Variants in PALLD observed in about 807,000 individuals in gnomAD.
PALLD encodes palladin.
PALLD carries 61 observed loss-of-function variants against 123.5 expected under a neutral mutation model. The ratio of observed to expected loss-of-function variants is 0.49; its 90% CI spans 0.40 to 0.61. The LOEUF is 0.61. Ranked by LOEUF, PALLD falls within the 20% of genes least tolerant of loss-of-function variation. The pLI, the probability that PALLD is intolerant of heterozygous loss-of-function variation, is 0.00. For synonymous variants in PALLD, 465 were observed against 496.4 expected, an observed-to-expected ratio of 0.94 and a Z score of 0.84; for missense variants, 1,273 against 1,377.0, an observed-to-expected ratio of 0.92 and a Z score of 1.20.
At chr4:168,727,388 G>C (rs1026153854) in intron 10 of PALLD, among the ~76,000 whole-genome samples, 8 of 152,088 alleles carry the variant, frequency 5.3e-5, no homozygotes, top group South Asian at 2.1e-4. Flanking sequence ...ACCAGCATCT[G>C]TTGTTTTTTG....
At chr4:168,821,872 G>A (rs542909840) in intron 10 of PALLD, among the ~76,000 whole-genome samples, 3 of 131,794 alleles carry the variant, frequency 2.3e-5, no homozygotes, top group African/African-American at 5.8e-5. Context: ...AGAGCAAAAC[G>A]CTGTCTCAAA....
chr4:168,701,938 G>A (rs192848857), intron 8 of PALLD, among the ~76,000 whole-genome samples: 12 of 152,318 alleles, frequency 7.9e-5, no homozygotes, highest in Admixed American at 4.6e-4. Flanking sequence ...TCCAAACCTC[G>A]TAAGAAGGGG....
intron 2 of PALLD, among the ~76,000 whole-genome samples, chr4:168,660,015 A>G (rs1344594863): frequency 6.6e-6 from 1 of 152,164 alleles, no homozygotes; most frequent in East Asian, 1.9e-4. Flanking sequence ...GGTTCCTTTC[A>G]TTAATCATGA....
intron 2 of PALLD, among the ~76,000 whole-genome samples, chr4:168,592,034 T>TTTTTTTA (rs1771487235): frequency 1.3e-5 from 2 of 150,548 alleles, no homozygotes; most frequent in Admixed American, 6.6e-5. Flanking sequence ...TTTTTTTTTT[T>TTTTTTTA]GAGATGGAGT....
chr4:168,513,277 G>A (rs570021980), intron 2 of PALLD, among the ~76,000 whole-genome samples: 39 of 152,228 alleles, frequency 2.6e-4, no homozygotes, highest in Non-Finnish European at 5.0e-4. Flanking sequence ...AGGTCTGCCC[G>A]TTATTCCTAC....
chr4:168,607,327 A>G (rs1035263036), intron 2 of PALLD, among the ~76,000 whole-genome samples: 2 of 152,196 alleles, frequency 1.3e-5, no homozygotes, highest in Admixed American at 6.5e-5. Flanking sequence ...TTATTAAAAA[A>G]CAAACAATGA....
At chr4:168,732,683 C>T (rs780077683) in intron 10 of PALLD, among the ~76,000 whole-genome samples, 3 of 152,090 alleles carry the variant, frequency 2.0e-5, no homozygotes, top group East Asian at 1.9e-4. Context: ...TTTCTAATCT[C>T]GACGTAATTC....
chr4:168,718,318 C>G (rs1209032639), intron 10 of PALLD, among the ~76,000 whole-genome samples: 1 of 152,094 alleles, frequency 6.6e-6, no homozygotes, highest in Non-Finnish European at 1.5e-5. Context: ...ACAAAAAGGA[C>G]AAAGACAAGG....
intron 2 of PALLD, among the ~76,000 whole-genome samples, chr4:168,655,593 C>G (rs1394024941): frequency 6.6e-6 from 1 of 152,176 alleles, no homozygotes; most frequent in Non-Finnish European, 1.5e-5. Context: ...ATTTGGAGAA[C>G]AGATGAAAAA....
intron 2 of PALLD, among the ~76,000 whole-genome samples, chr4:168,572,270 T>TA (rs1769074620): frequency 6.6e-6 from 1 of 152,074 alleles, no homozygotes; most frequent in East Asian, 1.9e-4. Flanking sequence ...GTGGTCCAGG[T>TA]ACTCTATAAA....
intron 10 of PALLD, among the ~76,000 whole-genome samples, chr4:168,794,523 C>G (rs1738204108): frequency 6.7e-6 from 1 of 148,546 alleles, no homozygotes; most frequent in Non-Finnish European, 1.5e-5. Context: ...CACACACACA[C>G]ACACACACAC....
At chr4:168,911,665 AT>A (rs1758982681) in intron 15 of PALLD, among the ~76,000 whole-genome samples, 1 of 152,190 alleles carries the variant, frequency 6.6e-6, no homozygotes, top group Admixed American at 6.5e-5. Context: ...GATGAAATTA[AT>A]TTTTAGATTT....
At chr4:168,552,673 G>T (rs536978710) in intron 2 of PALLD, among the ~76,000 whole-genome samples, 1 of 151,802 alleles carries the variant, frequency 6.6e-6, no homozygotes, top group Admixed American at 6.6e-5. Flanking sequence ...GTTTGTTTTT[G>T]TTTTGTTTTG....
chr4:168,810,015 C>T (rs1023245419), intron 10 of PALLD, among the ~76,000 whole-genome samples: 1 of 150,788 alleles, frequency 6.6e-6, no homozygotes, highest in African/African-American at 2.4e-5. Flanking sequence ...GAAGACAGGG[C>T]TCATTCTAAA....
intron 10 of PALLD, among the ~76,000 whole-genome samples, chr4:168,743,641 C>T (rs1441754429): frequency 1.3e-5 from 2 of 152,128 alleles, no homozygotes; most frequent in Non-Finnish European, 1.5e-5. Context: ...TGGCGATGCT[C>T]ACCCTGGTCT....
At chr4:168,560,019 A>T (rs1020110851) in intron 2 of PALLD, among the ~76,000 whole-genome samples, 1 of 152,220 alleles carries the variant, frequency 6.6e-6, no homozygotes, top group Non-Finnish European at 1.5e-5. Context: ...AAATTCAAAT[A>T]GCATCTTACA....
intron 2 of PALLD, among the ~76,000 whole-genome samples, chr4:168,652,752 G>A (rs750133233): frequency 2.2e-4 from 33 of 152,278 alleles, no homozygotes; most frequent in Non-Finnish European, 3.8e-4. Flanking sequence ...ATGCAAACAG[G>A]GAAACATCAT....
In PALLD at chr4:168,596,482, T is replaced by C. The variant is rs572723974; in HGVS notation, c.909-71708T>C. On this transcript the variant is annotated intron_variant, in intron 2 of 21. Coordinates refer to ENST00000505667, the MANE Select transcript of PALLD (RefSeq NM_001166108.2). The stretch of plus-strand genomic sequence containing the variant: ...TTCTATGTAGGGAACTCTTGTCTTC[T>C]GTATGAGGTTGGCATGGTTCACTCA... 3.9e-5 allele frequency among the ~76,000 whole-genome samples: 6 copies of C among 152,188 alleles called. No individual in the cohort carries two copies. In the South Asian group the frequency reaches 1.2e-3, roughly 32 times the overall value.
intron 2 of PALLD, among the ~76,000 whole-genome samples, chr4:168,636,618 A>G (rs766489278): frequency 2.6e-5 from 4 of 152,222 alleles, no homozygotes; most frequent in Non-Finnish European, 4.4e-5. Context: ...CATTTGGCCC[A>G]GAAAATTACA....
Sources: gnomAD v4.1 joint callset for allele counts (sites outside exome capture counted in the v4.1 genomes callset) on GRCh38, gnomAD v4.1.1 for gene constraint, MANE v1.5 for transcripts, NCBI Gene and HGNC (gene_info 2026-07-23, HGNC 2026-07-21) for gene names.